Variants in MYO3B observed in about 807,000 individuals in gnomAD.
MYO3B encodes myosin-IIIb.
In MYO3B, 156 loss-of-function variants were observed where a neutral mutation model predicts 174.6. The ratio of observed to expected loss-of-function variants is 0.89; its 90% CI spans 0.78 to 1.02. The LOEUF (loss-of-function observed/expected upper bound fraction) is 1.02, where lower values mean the gene tolerates loss of function less well. Among genes scored for constraint, MYO3B ranks in the 50% least tolerant of loss-of-function variants. MYO3B has a pLI of 0.00. For synonymous variants in MYO3B, 563 were observed against 569.1 expected (o/e 0.99, Z 0.15); for missense variants, 1,632 against 1,639.4 (o/e 1.00, Z 0.08).
chr2:170,638,163 G>A (rs1202546664), intron 32 of MYO3B, among the ~76,000 whole-genome samples: 1 of 151,390 alleles, frequency 6.6e-6, no homozygotes, highest in Non-Finnish European at 1.5e-5. Context: ...CCCAAATCAT[G>A]TCATTCATAC....
intron 32 of MYO3B, among the ~76,000 whole-genome samples, chr2:170,634,448 C>T (rs1434216115): frequency 2.6e-5 from 4 of 151,844 alleles, no homozygotes; most frequent in East Asian, 3.9e-4. Flanking sequence ...CCCTTCCTTA[C>T]ACCTTATACA....
intron 7 of MYO3B, among the ~76,000 whole-genome samples, chr2:170,264,686 A>G (rs1458080180): frequency 1.3e-5 from 2 of 152,152 alleles, no homozygotes; most frequent in Non-Finnish European, 2.9e-5. Context: ...ACCCTGATAT[A>G]TAGTAGTTGC....
At chr2:170,296,054 G>A (rs2048990) in intron 7 of MYO3B, among the ~76,000 whole-genome samples, 100,848 of 152,040 alleles carry the variant, frequency 0.66, 33,658 homozygotes, top group Admixed American at 0.73. Context: ...TAATTTGAGA[G>A]TTACAGATGC....
chr2:170,542,263 G>C (rs1305958391), intron 30 of MYO3B, among the ~76,000 whole-genome samples: 1 of 152,114 alleles, frequency 6.6e-6, no homozygotes, highest in East Asian at 1.9e-4. Flanking sequence ...CTTATACAAT[G>C]TGTTCTGATT....
At chr2:170,451,475 T>C (rs1035863378) in intron 23 of MYO3B, among the ~76,000 whole-genome samples, 3 of 152,274 alleles carry the variant, frequency 2.0e-5, no homozygotes, top group Non-Finnish European at 4.4e-5. Context: ...ATATCTGACC[T>C]AATTTAGACC....
At position 170,654,597 on chromosome 2, in the gene MYO3B, G is replaced by A. The variant is rs1013147644; in HGVS notation, c.*1476G>A. 7.1e-6 allele frequency: 1 copy of A among 141,014 alleles called. No homozygotes were observed. The highest frequency in any genetic ancestry group is 2.6e-5 in the African/African-American group (1 of 37,742). 8.7% of individuals were successfully genotyped at this position (141,014 alleles called of 1,614,324 possible). Reference sequence around the variant, plus strand: ...CGGGAAGCAAAGGTTGCAGTCAGCTGAGAGCGCACCACTGCACTCCAGCCT... The same window carrying A: ...CGGGAAGCAAAGGTTGCAGTCAGCTAAGAGCGCACCACTGCACTCCAGCCT... On this transcript the variant is annotated 3_prime_UTR_variant, in exon 35 of 35. Transcript: ENST00000408978.
At chr2:170,370,081 T>G (rs901205889) in intron 9 of MYO3B, among the ~76,000 whole-genome samples, 1 of 152,162 alleles carries the variant, frequency 6.6e-6, no homozygotes, top group African/African-American at 2.4e-5. Context: ...ATCTTCAATT[T>G]CTGTCCAGAG....
chr2:170,575,922 G>T (rs1026812998), intron 32 of MYO3B, among the ~76,000 whole-genome samples: 13 of 152,080 alleles, frequency 8.5e-5, no homozygotes, highest in Admixed American at 7.2e-4. Context: ...TAGCTGAAAG[G>T]ATTCTTTAGA....
At chr2:170,610,069 G>T (rs1235309612) in intron 32 of MYO3B, among the ~76,000 whole-genome samples, 1 of 152,222 alleles carries the variant, frequency 6.6e-6, no homozygotes, top group Non-Finnish European at 1.5e-5. Flanking sequence ...AGGCACAGTG[G>T]CTCACGCCTG....
At chr2:170,260,473 T>C (rs1461863921) in intron 7 of MYO3B, among the ~76,000 whole-genome samples, 1 of 152,248 alleles carries the variant, frequency 6.6e-6, no homozygotes, top group African/African-American at 2.4e-5. Context: ...AAATGCCATA[T>C]GTTATCACTT....
intron 23 of MYO3B, among the ~76,000 whole-genome samples, chr2:170,448,220 GT>G (rs1244940198): frequency 1.1e-4 from 16 of 152,196 alleles, no homozygotes; most frequent in Non-Finnish European, 2.1e-4. Flanking sequence ...TATAAACTAA[GT>G]TCCTCCTGAA....
intron 32 of MYO3B, among the ~76,000 whole-genome samples, chr2:170,633,067 T>G (rs1020376455): frequency 2.6e-5 from 4 of 152,146 alleles, no homozygotes; most frequent in Non-Finnish European, 4.4e-5. Context: ...TACCATTCCT[T>G]TTGAAACTAT....
chr2:170,369,109 C>A, intron 8 of MYO3B, 113 bp from the exon 9 acceptor site: 1 of 842,772 alleles, frequency 1.2e-6, no homozygotes, highest in Non-Finnish European at 1.8e-6. Context: ...GTATCATTAA[C>A]CAATGATCAG....
At chr2:170,251,336 G>A (rs1408670954) in intron 7 of MYO3B, among the ~76,000 whole-genome samples, 1 of 152,142 alleles carries the variant, frequency 6.6e-6, no homozygotes, top group Non-Finnish European at 1.5e-5. Flanking sequence ...CAGAGGGCAA[G>A]CTTGAAGAGA....
chr2:170,596,720 G>T (rs1003926751), intron 32 of MYO3B, among the ~76,000 whole-genome samples: 12 of 152,216 alleles, frequency 7.9e-5, no homozygotes, highest in African/African-American at 2.7e-4. Flanking sequence ...GCCTAGAGAA[G>T]GCCCTTTAAG....
chr2:170,551,451 G>A lies in MYO3B; in HGVS notation c.3733+7463G>A, dbSNP rs532224370. 1.3e-3 allele frequency among the ~76,000 whole-genome samples: 175 copies of A among 139,594 alleles called. 1 individual carries two copies. The highest frequency in any genetic ancestry group is 4.4e-3 in the African/African-American group (165 of 37,572). 91.6% of individuals were successfully genotyped at this position (139,594 alleles called of 152,430 possible). A position where few individuals can be genotyped will look rare whatever the true frequency, so the allele number is the denominator to read the frequency against. ...AGTGGTGTGGTCTCAGCTCACTGCAGCCTCCACCTCCTGGGTTCATGTGAT... is the reference window on the plus strand; with the variant it reads ...AGTGGTGTGGTCTCAGCTCACTGCAACCTCCACCTCCTGGGTTCATGTGAT... On this transcript the variant is annotated intron_variant, in intron 32 of 34. Transcript: ENST00000408978.
At chr2:170,186,092 T>A (rs1370187379) in intron 1 of MYO3B, among the ~76,000 whole-genome samples, 2 of 152,218 alleles carry the variant, frequency 1.3e-5, no homozygotes, top group Non-Finnish European at 2.9e-5. Context: ...CTAATTTGAC[T>A]TCTTCCTTTC....
chr2:170,624,763 T>C (rs944692775), intron 32 of MYO3B, among the ~76,000 whole-genome samples: 1 of 152,172 alleles, frequency 6.6e-6, no homozygotes, highest in Non-Finnish European at 1.5e-5. Context: ...TTATTGAGAG[T>C]TTTTAGCATA....
chr2:170,481,656 C>T (rs186915492), intron 25 of MYO3B, among the ~76,000 whole-genome samples: 7 of 152,212 alleles, frequency 4.6e-5, no homozygotes, highest in South Asian at 2.1e-4. Context: ...CCTGTTAAGA[C>T]ATAATTAGGG....
Sources: gnomAD v4.1 joint callset for allele counts (sites outside exome capture counted in the v4.1 genomes callset) on GRCh38, gnomAD v4.1.1 for gene constraint, MANE v1.5 for transcripts, NCBI Gene and HGNC (gene_info 2026-07-23, HGNC 2026-07-21) for gene names.